DEPTOR: variants seen among roughly 807,000 people sequenced by gnomAD.
The protein encoded by DEPTOR is DEP domain containing MTOR interacting protein.
In DEPTOR, 41 loss-of-function variants were observed where a neutral mutation model predicts 41.6. That is an observed-to-expected ratio of 0.98 (90% confidence interval 0.77 to 1.28). DEPTOR has a LOEUF of 1.28. Ranked by LOEUF, DEPTOR falls within the 50% of genes most tolerant of loss-of-function variation. The pLI is 0.00. For synonymous variants in DEPTOR, 195 were observed against 192.3 expected (o/e 1.01, Z -0.12); for missense variants, 514 against 527.9 (o/e 0.97, Z 0.26).
rs752487975 is a variant in DEPTOR at position 120,002,971 on chromosome 8, A to G, written c.791-6A>G. 7 of 1,557,730 alleles carry G rather than the reference A, an allele frequency of 4.5e-6. No individual in the cohort carries two copies. In the African/African-American group the frequency reaches 5.5e-5, roughly 12 times the overall value. Reference sequence around the variant, plus strand: ...GGTGACTGTGTGTGTTCTCTGGCCTACACAGTGAGCCCCAGCAAGGAGATC... The same window carrying G: ...GGTGACTGTGTGTGTTCTCTGGCCTGCACAGTGAGCCCCAGCAAGGAGATC... On this transcript the variant is annotated splice_polypyrimidine_tract_variant and splice_region_variant and intron_variant, in intron 5 of 8. Transcript: ENST00000286234.
At chr8:120,020,243 A>C (rs1182382471) in intron 8 of DEPTOR, among the ~76,000 whole-genome samples, 1 of 151,964 alleles carries the variant, frequency 6.6e-6, no homozygotes, top group Non-Finnish European at 1.5e-5. Flanking sequence ...GTGCATGCCC[A>C]GCTAATTTTT....
At chr8:119,994,695 A>C (rs1270803135) in intron 4 of DEPTOR, among the ~76,000 whole-genome samples, 1 of 152,122 alleles carries the variant, frequency 6.6e-6, no homozygotes, top group Non-Finnish European at 1.5e-5. Context: ...AGGTGGGCAG[A>C]TCACGAGGTC....
chr8:119,942,445 A>ATC (rs1828215581), intron 3 of DEPTOR, among the ~76,000 whole-genome samples: 1 of 152,184 alleles, frequency 6.6e-6, no homozygotes, highest in South Asian at 2.1e-4. Flanking sequence ...ACCTCAGGCG[A>ATC]TCTGCCCACC....
intron 1 of DEPTOR, among the ~76,000 whole-genome samples, chr8:119,917,645 C>T (rs1212389312): frequency 6.6e-6 from 1 of 152,208 alleles, no homozygotes; most frequent in African/African-American, 2.4e-5. Context: ...GGTTTCTCCC[C>T]ATGTGATAGT....
intron 3 of DEPTOR, among the ~76,000 whole-genome samples, chr8:119,944,256 A>G (rs894860499): frequency 6.6e-6 from 1 of 152,216 alleles, no homozygotes; most frequent in Non-Finnish European, 1.5e-5. Context: ...GTGGACAGGC[A>G]GGCAGAATTA....
chr8:119,882,548 T>G (rs1264973076), intron 1 of DEPTOR, among the ~76,000 whole-genome samples: 2 of 151,942 alleles, frequency 1.3e-5, no homozygotes, highest in Admixed American at 1.3e-4. Flanking sequence ...TATCTGAGAC[T>G]CAGGCATGTA....
intron 1 of DEPTOR, among the ~76,000 whole-genome samples, chr8:119,909,169 C>T (rs1420749025): frequency 1.3e-5 from 2 of 152,192 alleles, no homozygotes; most frequent in African/African-American, 2.4e-5. Context: ...CTTTCAAAGG[C>T]TCTCTAGAAT....
At chr8:119,895,737 G>C (rs561849052) in intron 1 of DEPTOR, among the ~76,000 whole-genome samples, 10 of 152,224 alleles carry the variant, frequency 6.6e-5, no homozygotes, top group Admixed American at 5.9e-4. Flanking sequence ...TCCCTCCTCA[G>C]CTGGCATGTC....
intron 3 of DEPTOR, among the ~76,000 whole-genome samples, chr8:119,948,115 T>G (rs1828305831): frequency 6.6e-6 from 1 of 152,238 alleles, no homozygotes; most frequent in Non-Finnish European, 1.5e-5. Context: ...TGTATGTACC[T>G]GTACCTCTGT....
rs34679088 is a variant in DEPTOR at position 120,038,592 on chromosome 8, C to CA, written c.1102-10967dup. On this transcript the variant is annotated intron_variant, in intron 8 of 8. Coordinates refer to ENST00000286234, the MANE Select transcript of DEPTOR (RefSeq NM_022783.4). ...TGTGTGACAAAGTGAGACCCTATCT[C>CA]AAAAAAAAAAAAAAAAAGAAAAAAG... 5.0e-4 allele frequency among the ~76,000 whole-genome samples: 54 copies of CA among 108,490 alleles called. No individual in the cohort carries two copies. In the South Asian group the frequency reaches 6.1e-3, roughly 12 times the overall value. The allele number at this position is 108,490 out of a possible 152,430, so 71.2% of individuals were successfully genotyped here. A position where few individuals can be genotyped will look rare whatever the true frequency, so the allele number is the denominator to read the frequency against.
intron 8 of DEPTOR, among the ~76,000 whole-genome samples, chr8:120,031,038 T>C (rs1338949746): frequency 2.0e-5 from 3 of 152,180 alleles, no homozygotes; most frequent in African/African-American, 7.2e-5. Context: ...AAGTTTACTT[T>C]AAAAATACTA....
chr8:119,885,083 T>C (rs1272884012), intron 1 of DEPTOR, among the ~76,000 whole-genome samples: 2 of 152,164 alleles, frequency 1.3e-5, no homozygotes, highest in Admixed American at 6.6e-5. Context: ...TGAATAACTA[T>C]TGTTTTGCTT....
chr8:119,883,037 C>T (rs1159475051), intron 1 of DEPTOR, among the ~76,000 whole-genome samples: 1 of 152,068 alleles, frequency 6.6e-6, no homozygotes, highest in Non-Finnish European at 1.5e-5. Flanking sequence ...AGATAGGATG[C>T]TTGCAAGGTG....
intron 8 of DEPTOR, among the ~76,000 whole-genome samples, chr8:120,043,299 T>C (rs1375485963): frequency 6.6e-6 from 1 of 152,100 alleles, no homozygotes; most frequent in East Asian, 1.9e-4. Flanking sequence ...AAATCTAAAA[T>C]TACTACCTTG....
chr8:119,889,282 C>T (rs1221011598), intron 1 of DEPTOR, among the ~76,000 whole-genome samples: 2 of 151,806 alleles, frequency 1.3e-5, no homozygotes, highest in Non-Finnish European at 2.9e-5. Flanking sequence ...TGCAGTGGCT[C>T]ACGTCTGTGA....
chr8:119,874,306 C>T (rs994666436), intron 1 of DEPTOR: 7 of 327,246 alleles, frequency 2.1e-5, no homozygotes, highest in South Asian at 3.4e-5. Flanking sequence ...GCCAGGCCTC[C>T]CGGCTGACAG....
At position 119,928,422 on chromosome 8, in the gene DEPTOR, G is replaced by A. The variant is rs1827990610; in HGVS notation, c.145G>A (p.Val49Ile). Residue 49 changes from valine to isoleucine, a missense_variant, in exon 2 of 9, where the codon GTT becomes ATT. Coordinates refer to ENST00000286234, the MANE Select transcript of DEPTOR (RefSeq NM_022783.4). Reference protein sequence around the residue: ...QLRLRLHEEKVIKDRRHHLKT... With the variant: ...QLRLRLHEEKIIKDRRHHLKT... ...CAGGCTCAGGCTGCACGAAGAAAAG[G>A]TTATTAAAGATAGACGTCATCATCT... 1.2e-6 allele frequency: 2 copies of A among 1,613,472 alleles called. No individual in the cohort carries two copies. The highest frequency in any genetic ancestry group is 1.7e-6 in the Non-Finnish European group (2 of 1,179,814).
intron 1 of DEPTOR, among the ~76,000 whole-genome samples, chr8:119,924,264 G>T (rs1016021778): frequency 6.6e-6 from 1 of 152,150 alleles, no homozygotes; most frequent in African/African-American, 2.4e-5. Flanking sequence ...CTGCTGCAAT[G>T]GTCCCCAAAT....
Position 119,873,780 on chromosome 8 carries a change from G to A in DEPTOR, c.-67G>A. 6.3e-7 allele frequency: 1 copy of A among 1,597,148 alleles called. No homozygotes were observed. Among genetic ancestry groups the A allele is most frequent in the Non-Finnish European group, 8.5e-7 (1 of 1,172,064 alleles). ...GGCGCGGGAAGCGTCTGTGAGGGCA[G>A]ACTGATCCGAGCACCCAAACCCTCG... On this transcript the variant is annotated 5_prime_UTR_variant, in exon 1 of 9. Transcript: ENST00000286234.
Sources: allele counts gnomAD v4.1 joint callset (sites outside exome capture counted in the v4.1 genomes callset), GRCh38; gene constraint gnomAD v4.1.1; transcripts MANE v1.5; gene names NCBI Gene and HGNC (gene_info 2026-07-23, HGNC 2026-07-21).